The following DAAM1 variants were observed in gnomAD, a reference collection of about 807,000 sequenced individuals.
The protein encoded by DAAM1 is disheveled-associated activator of morphogenesis 1.
DAAM1 carries 52 observed loss-of-function variants against 130.0 expected under a neutral mutation model. That is an observed-to-expected ratio of 0.40 (90% CI 0.32 to 0.50). The LOEUF is 0.50. Ranked by LOEUF, DAAM1 falls within the 20% of genes least tolerant of loss-of-function variation. The probability of loss-of-function intolerance (pLI) is 0.61; values close to 1 mark genes in which losing one functional copy is unlikely to be tolerated. For synonymous variants in DAAM1, 452 were observed against 444.5 expected (o/e 1.02, Z -0.21); for missense variants, 1,134 against 1,303.8 (o/e 0.87, Z 2.01).
In DAAM1 at chr14:59,218,458, T is replaced by G. The variant is rs937882391; in HGVS notation, c.-38+29690T>G. ...CCAATTTTCTCTGAGTAGTGTTTCC[T>G]TGCTGTGATTTCATTTGTTTCTAAA... is the stretch of plus-strand genomic sequence containing the variant. On this transcript the variant is annotated intron_variant, in intron 1 of 24. Transcript: ENST00000360909. Among the ~76,000 whole-genome samples, 5 of 152,246 alleles carry G rather than the reference T, an allele frequency of 3.3e-5. No homozygotes were observed. The East Asian group carries it at 7.7e-4, about 23-fold the overall frequency.
At chr14:59,206,614 C>G (rs1888270820) in intron 1 of DAAM1, among the ~76,000 whole-genome samples, 1 of 152,214 alleles carries the variant, frequency 6.6e-6, no homozygotes. Flanking sequence ...TTATCCCACT[C>G]TTATTCCAGT....
chr14:59,267,273 A>G (rs1882484089), intron 2 of DAAM1, among the ~76,000 whole-genome samples: 1 of 152,170 alleles, frequency 6.6e-6, no homozygotes, highest in South Asian at 2.1e-4. Flanking sequence ...TTTAAAAGTG[A>G]TACCAAGTAG....
chr14:59,292,907 T>C (rs893333586), intron 3 of DAAM1, among the ~76,000 whole-genome samples: 1 of 152,248 alleles, frequency 6.6e-6, no homozygotes, highest in African/African-American at 2.4e-5. Flanking sequence ...ACCTCTTTTT[T>C]ATTGAACTGA....
At chr14:59,201,815 A>G (rs77959217) in intron 1 of DAAM1, among the ~76,000 whole-genome samples, 5 of 151,442 alleles carry the variant, frequency 3.3e-5, no homozygotes, top group Admixed American at 6.6e-5. Context: ...AAAAAAATTC[A>G]TGTCCATTTT....
Position 59,258,693 on chromosome 14 carries a change from A to G in DAAM1, c.-37-4748A>G, listed in dbSNP as rs751716653. Among the ~76,000 whole-genome samples, 4 of 152,126 alleles carry G rather than the reference A, an allele frequency of 2.6e-5. No homozygotes were observed. The East Asian group carries it at 5.8e-4, about 22-fold the overall frequency. On this transcript the variant is annotated intron_variant, in intron 1 of 24. Transcript: ENST00000360909. The stretch of plus-strand genomic sequence containing the variant: ...GTATCTGAAAGACTAGGCTCTGAAT[A>G]GTGGAGCTCCATATATGGGGAAAAA...
In DAAM1 at chr14:59,330,517, A is replaced by C; in HGVS notation, c.1389A>C (p.Gln463His). 1.9e-6 allele frequency: 3 copies of C among 1,609,876 alleles called. No individual in the cohort carries two copies. The highest frequency in any genetic ancestry group is 2.5e-6 in the Non-Finnish European group (3 of 1,178,396). ...CTCGTGTAGAGCACAATGAGCTACA[A>C]CAGAAACTGGAAAAGAAAGAACGAG... ...EKMRKEHNEL[Q>H]QKLEKKEREC... The change falls in exon 13 of 25, where the codon CAA (glutamine) becomes CAC (histidine). Residue 463 changes from glutamine to histidine, a missense_variant. Gln to His is a conservative substitution (Grantham distance 24, BLOSUM62 0). Coordinates refer to ENST00000360909, the MANE Select transcript of DAAM1 (RefSeq NM_001270520.2).
chr14:59,256,469 C>T (rs372872194), intron 1 of DAAM1, among the ~76,000 whole-genome samples: 1 of 152,162 alleles, frequency 6.6e-6, no homozygotes, highest in Non-Finnish European at 1.5e-5. Flanking sequence ...TGCACCTGCT[C>T]CAGAATCTTA....
chr14:59,234,147 G>GT (rs551566640), intron 1 of DAAM1, among the ~76,000 whole-genome samples: 2 of 152,048 alleles, frequency 1.3e-5, no homozygotes, highest in Non-Finnish European at 2.9e-5. Flanking sequence ...ATTTAAAGTA[G>GT]TTTTTTTCTA....
At chr14:59,276,067 T>G (rs994743067) in intron 2 of DAAM1, among the ~76,000 whole-genome samples, 2 of 152,182 alleles carry the variant, frequency 1.3e-5, no homozygotes, top group Non-Finnish European at 2.9e-5. Flanking sequence ...TGAATGCACC[T>G]CTATGGAAAC....
chr14:59,265,992 C>T (rs975148764), intron 2 of DAAM1: 2 of 152,190 alleles, frequency 1.3e-5, no homozygotes, highest in Non-Finnish European at 2.9e-5. Flanking sequence ...GTGGCCAAGG[C>T]TGAGGTCATG....
At chr14:59,367,308 A>AT in intron 23 of DAAM1, 121 bp from the exon 24 acceptor site, 1 of 1,429,972 alleles carries the variant, frequency 7.0e-7, no homozygotes, top group Non-Finnish European at 9.2e-7. Context: ...AGAAATAAAA[A>AT]TAAATGAGCA....
intron 1 of DAAM1, among the ~76,000 whole-genome samples, chr14:59,247,532 G>A (rs1364820489): frequency 1.3e-5 from 2 of 152,056 alleles, no homozygotes; most frequent in Non-Finnish European, 2.9e-5. Flanking sequence ...GATGTTATTT[G>A]TATCTTCTTT....
At chr14:59,332,794 GA>G (rs887625195) in intron 15 of DAAM1, among the ~76,000 whole-genome samples, 1 of 152,204 alleles carries the variant, frequency 6.6e-6, no homozygotes, top group Non-Finnish European at 1.5e-5. Context: ...AGTGTGAGAA[GA>G]AAGATTCTTA....
intron 1 of DAAM1, among the ~76,000 whole-genome samples, chr14:59,192,390 G>A (rs992260951): frequency 6.6e-6 from 1 of 152,174 alleles, no homozygotes; most frequent in Non-Finnish European, 1.5e-5. Context: ...GAGGAAACAT[G>A]CTTTTCCAAC....
chr14:59,288,897 T>G (rs1024252989), intron 2 of DAAM1, among the ~76,000 whole-genome samples: 2 of 146,188 alleles, frequency 1.4e-5, no homozygotes, highest in Admixed American at 6.8e-5. Flanking sequence ...CTGTTGTTGT[T>G]TTTGTTTGTT....
chr14:59,340,431 A>G (rs1885800349), intron 16 of DAAM1, among the ~76,000 whole-genome samples: 2 of 152,194 alleles, frequency 1.3e-5, no homozygotes, highest in African/African-American at 4.8e-5. Flanking sequence ...CCCTGAGTCA[A>G]TCTTTTCTTC....
At chr14:59,359,832 A>G (rs1410501347) in intron 21 of DAAM1, among the ~76,000 whole-genome samples, 2 of 152,222 alleles carry the variant, frequency 1.3e-5, no homozygotes, top group Non-Finnish European at 2.9e-5. Context: ...CATTGCAATA[A>G]TTTTCACATA....
chr14:59,217,808 TA>T (rs202027124), intron 1 of DAAM1, among the ~76,000 whole-genome samples: 4 of 151,636 alleles, frequency 2.6e-5, no homozygotes, highest in African/African-American at 7.3e-5. Flanking sequence ...CTGTCTGTAC[TA>T]AAAAAAACCC....
At chr14:59,334,553 A>G (rs1885553112) in intron 15 of DAAM1, among the ~76,000 whole-genome samples, 1 of 152,162 alleles carries the variant, frequency 6.6e-6, no homozygotes, top group Non-Finnish European at 1.5e-5. Context: ...AGGTAATGGC[A>G]TGAATACCAT....
Sources: gnomAD v4.1 joint callset for allele counts (sites outside exome capture counted in the v4.1 genomes callset) on GRCh38, gnomAD v4.1.1 for gene constraint, MANE v1.5 for transcripts, NCBI Gene and HGNC (gene_info 2026-07-23, HGNC 2026-07-21) for gene names.